The following DENND4C variants were observed in gnomAD, a reference collection of about 807,000 sequenced individuals.
DENND4C encodes DENN domain-containing protein 4C.
DENND4C carries 108 observed loss-of-function variants against 203.0 expected under a neutral mutation model. That is an observed-to-expected ratio of 0.53 (90% CI 0.46 to 0.62). The LOEUF is 0.62. Ranked by LOEUF, DENND4C falls within the 20% of genes least tolerant of loss-of-function variation. The pLI, the probability that DENND4C is intolerant of heterozygous loss-of-function variation, is 0.00. For missense variants in DENND4C, 2,481 were observed against 2,301.2 expected, an observed-to-expected ratio of 1.08 and a Z score of -1.60; for synonymous variants, 871 against 792.4, an observed-to-expected ratio of 1.10 and a Z score of -1.67.
At chr9:19,273,418 C>A (rs1301528390) in intron 1 of DENND4C, among the ~76,000 whole-genome samples, 1 of 151,932 alleles carries the variant, frequency 6.6e-6, no homozygotes, top group East Asian at 1.9e-4. Flanking sequence ...CAAGCATGAT[C>A]TGTAAGAGAA....
At chr9:19,267,863 C>T (rs1283458924) in intron 1 of DENND4C, among the ~76,000 whole-genome samples, 2 of 151,984 alleles carry the variant, frequency 1.3e-5, no homozygotes, top group Non-Finnish European at 1.5e-5. Flanking sequence ...CGCAGATGGT[C>T]GGACTGTGCT....
intron 10 of DENND4C, among the ~76,000 whole-genome samples, chr9:19,309,906 T>C (rs1840411951): frequency 6.6e-6 from 1 of 152,184 alleles, no homozygotes; most frequent in African/African-American, 2.4e-5. Context: ...GTTGAAAATA[T>C]GCACAAGAAA....
intron 21 of DENND4C, among the ~76,000 whole-genome samples, chr9:19,341,710 A>G (rs564616561): frequency 6.6e-6 from 1 of 152,256 alleles, no homozygotes; most frequent in East Asian, 1.9e-4. Flanking sequence ...TTTTGACAGA[A>G]CCAGGACTAA....
At chr9:19,318,045 G>T (rs1253836497) in intron 12 of DENND4C, among the ~76,000 whole-genome samples, 2 of 152,172 alleles carry the variant, frequency 1.3e-5, no homozygotes, top group Non-Finnish European at 2.9e-5. Context: ...TCTAATGGGC[G>T]CAGTGGCTCA....
chr9:19,243,497 A>G (rs1824300616), intron 1 of DENND4C, among the ~76,000 whole-genome samples: 1 of 152,128 alleles, frequency 6.6e-6, no homozygotes, highest in Non-Finnish European at 1.5e-5. Context: ...GAAACGCTGT[A>G]CCCGTTAAGC....
chr9:19,309,377 G>A (rs1268110002), intron 10 of DENND4C, among the ~76,000 whole-genome samples: 2 of 150,700 alleles, frequency 1.3e-5, no homozygotes, highest in East Asian at 3.9e-4. Flanking sequence ...AGTTGAGATC[G>A]TGTCATTGCA....
chr9:19,282,883 A>AT (rs992861024), intron 2 of DENND4C, among the ~76,000 whole-genome samples: 24 of 149,712 alleles, frequency 1.6e-4, no homozygotes, highest in East Asian at 4.0e-4. Context: ...CACCTGGCTA[A>AT]TTTTTTTTTA....
At chr9:19,340,355 C>T (rs544568641) in intron 20 of DENND4C, among the ~76,000 whole-genome samples, 159 of 152,300 alleles carry the variant, frequency 1.0e-3, no homozygotes, top group Non-Finnish European at 1.5e-3. Flanking sequence ...TTCAAAGTTA[C>T]TTGGATTAGT....
Position 19,332,056 on chromosome 9 carries a change from T to G in DENND4C, c.2332T>G (p.Cys778Gly). 4 of 1,614,090 alleles carry G rather than the reference T, an allele frequency of 2.5e-6. No individual in the cohort carries two copies. The highest frequency in any genetic ancestry group is 3.4e-6 in the Non-Finnish European group (4 of 1,180,002). Residue 778 changes from cysteine (C) to glycine (G), a missense_variant, in exon 17 of 33, where the codon TGT becomes GGT. Cys to Gly is a radical substitution (Grantham distance 159, BLOSUM62 -3). This residue lies in a region of DENND4C where 2,289 missense variants were observed against 2,113.3 expected (regional missense o/e 1.08). Transcript: ENST00000434457. ...GTGGGCCAAGTGTCTGTTTAGTCAT[T>G]GTTACAGTTTATGGTTTATTTGTCT... Reference protein sequence around the residue: ...PQWAKCLFSHCYSLWFICLPA... With the variant: ...PQWAKCLFSHGYSLWFICLPA...
chr9:19,369,780 T>TA (rs1563849964), intron 30 of DENND4C, 57 bp from the exon 31 acceptor site: 4 of 787,106 alleles, frequency 5.1e-6, no homozygotes, highest in East Asian at 4.7e-5. Flanking sequence ...AAAAAAAAAA[T>TA]AATAATAATA....
chr9:19,260,136 T>C (rs1828997255), intron 1 of DENND4C, among the ~76,000 whole-genome samples: 1 of 152,192 alleles, frequency 6.6e-6, no homozygotes, highest in Non-Finnish European at 1.5e-5. Flanking sequence ...TTATTGCCTG[T>C]CTTTTGGACC....
At chr9:19,318,889 C>T (rs994140181) in intron 12 of DENND4C, among the ~76,000 whole-genome samples, 1 of 152,144 alleles carries the variant, frequency 6.6e-6, no homozygotes, top group African/African-American at 2.4e-5. Flanking sequence ...AAATTTTGGG[C>T]CAGGTGCAGT....
intron 3 of DENND4C, among the ~76,000 whole-genome samples, 196 bp downstream of exon 3, chr9:19,287,217 A>G (rs1008318428): frequency 2.6e-5 from 4 of 152,170 alleles, no homozygotes; most frequent in South Asian, 2.1e-4. Context: ...TCTTTAAGTC[A>G]GGGATATTTT....
rs752046601 is a variant in DENND4C at position 19,296,202 on chromosome 9, C to G, written c.996C>G (p.Ile332Met). The G allele has an allele frequency of 1.9e-6, 3 of 1,613,446 alleles. No individual in the cohort carries two copies. The highest frequency in any genetic ancestry group is 2.5e-6 in the Non-Finnish European group (3 of 1,179,682). ...CTTTTAGGAAATTTCTTATGTTTAT[C>G]TACAAACTTTCTGTGTCTGGACCAC... is the stretch of plus-strand genomic sequence containing the variant. Reference protein sequence around the residue: ...FEAFRKFLMFIYKLSVSGPHP... With the variant: ...FEAFRKFLMFMYKLSVSGPHP... Residue 332 changes from isoleucine (I) to methionine (M), a missense_variant, in exon 6 of 33, where the codon ATC becomes ATG. Ile to Met is a conservative substitution (Grantham distance 10). Around this residue, in one of 3 missense-constraint regions of DENND4C, gnomAD observed 2,289 missense variants for 2,113.3 expected, o/e 1.08. Coordinates refer to ENST00000434457, the MANE Select transcript of DENND4C (RefSeq NM_001330640.2).
rs185731333 is a variant in DENND4C, at chr9:19,321,596, G to A, written c.1808-2766G>A. Among the ~76,000 whole-genome samples the A allele has an allele frequency of 1.8e-3, 270 of 152,120 alleles. 2 individuals are homozygous for A. Among genetic ancestry groups the A allele is most frequent in the African/African-American group, 5.1e-3 (210 of 41,466 alleles). ...GCAGTGGCTCACGCCTGTAATCCCA[G>A]CATTTTGGGAGGCTGAGGCAGGTGG... On this transcript the variant is annotated intron_variant, in intron 12 of 32. Coordinates refer to ENST00000434457, the MANE Select transcript of DENND4C (RefSeq NM_001330640.2).
chr9:19,245,855 CA>C (rs60726607), intron 1 of DENND4C, among the ~76,000 whole-genome samples: 73,818 of 137,088 alleles, frequency 0.54, 18,772 homozygotes, highest in South Asian at 0.6. Flanking sequence ...GACTCCGTCT[CA>C]AAAAAAAAAA....
At position 19,373,136 on chromosome 9, in the gene DENND4C, G is replaced by C. The variant is rs1215605606; in HGVS notation, c.*963G>C. 2 of 151,956 alleles carry C rather than the reference G, an allele frequency of 1.3e-5. No homozygotes were observed. Among genetic ancestry groups the C allele is most frequent in the Non-Finnish European group, 2.9e-5 (2 of 67,984 alleles). The allele number at this position is 151,956 out of a possible 1,614,324, so 9.4% of individuals were successfully genotyped here. Reference sequence around the variant, plus strand: ...GTATTAGGTTGGCACAAAATTAATTGTAGTTTTTGCCACTATTAATGGCAA... The same window carrying C: ...GTATTAGGTTGGCACAAAATTAATTCTAGTTTTTGCCACTATTAATGGCAA... On this transcript the variant is annotated 3_prime_UTR_variant, in exon 33 of 33. Transcript: ENST00000434457.
intron 1 of DENND4C, among the ~76,000 whole-genome samples, chr9:19,238,048 G>T (rs1822467868): frequency 6.6e-6 from 1 of 151,532 alleles, no homozygotes. Context: ...CTCTAGGGAA[G>T]ACCCCTCCTT....
intron 16 of DENND4C, among the ~76,000 whole-genome samples, chr9:19,330,371 ACT>A (rs1432914046): frequency 1.6e-5 from 2 of 122,684 alleles, no homozygotes; most frequent in East Asian, 4.4e-4. Context: ...ATGGAGTCTC[ACT>A]CTGTCATCCA....
Sources: gnomAD v4.1 joint callset for allele counts (sites outside exome capture counted in the v4.1 genomes callset) on GRCh38, gnomAD v4.1.1 for gene constraint, gnomAD v4.1.1 regional missense constraint, MANE v1.5 for transcripts, NCBI Gene and HGNC (gene_info 2026-07-23, HGNC 2026-07-21) for gene names.